PCDHAC1: variants seen among roughly 807,000 people sequenced by gnomAD.
The protein encoded by PCDHAC1 is protocadherin alpha-C1.
A neutral mutation model predicts 60.0 loss-of-function variants in PCDHAC1; 42 were observed. That is an observed-to-expected ratio of 0.70 (90% confidence interval 0.55 to 0.90). The LOEUF (loss-of-function observed/expected upper bound fraction) is 0.90, where lower values mean the gene tolerates loss of function less well. Ranked by LOEUF, PCDHAC1 falls within the 40% of genes least tolerant of loss-of-function variation. PCDHAC1 has a pLI of 0.00. For missense variants in PCDHAC1, 1,160 were observed against 1,222.3 expected, an observed-to-expected ratio of 0.95 and a Z score of 0.76; for synonymous variants, 468 against 499.3, an observed-to-expected ratio of 0.94 and a Z score of 0.84.
At chr5:140,968,776 A>C in intron 1 of PCDHAC1, 1 of 1,614,200 alleles carries the variant, frequency 6.2e-7, no homozygotes, top group Non-Finnish European at 8.5e-7. Flanking sequence ...AGCCATCACT[A>C]TCAGCCTCTG....
intron 1 of PCDHAC1, among the ~76,000 whole-genome samples, chr5:140,964,342 C>T (rs2095825714): frequency 6.6e-6 from 1 of 152,184 alleles, no homozygotes; most frequent in Non-Finnish European, 1.5e-5. Context: ...TGGCAGGTGT[C>T]CTTGCTGGAA....
rs1246720296 is a variant in PCDHAC1, at chr5:140,996,308, AAGGGGGG to A, written c.2582-13314_2582-13308del. 2.6e-5 allele frequency among the ~76,000 whole-genome samples: 4 copies of A among 152,358 alleles called. No individual in the cohort carries two copies. The East Asian group carries it at 5.8e-4, about 22-fold the overall frequency. On this transcript the variant is annotated intron_variant, in intron 3 of 3. Coordinates refer to ENST00000253807, the MANE Select transcript of PCDHAC1 (RefSeq NM_018898.5). ...CAAGAAGCACAGATTGTAACAAAGT[AAGGGGGG>A]AGGGTAGAGAAGAAAAGTTTGAAAA... is the stretch of plus-strand genomic sequence containing the variant.
Position 140,974,796 on chromosome 5 carries a change from G to T in PCDHAC1, c.2434-4153G>T, listed in dbSNP as rs2096640726. On this transcript the variant is annotated intron_variant, in intron 1 of 3. Transcript: ENST00000253807. The stretch of plus-strand genomic sequence containing the variant: ...AGCCACTGCGCCCAGCCCTCATTTT[G>T]ATATACTAGAAGACCAATATGCAAC... Among the ~76,000 whole-genome samples the T allele has an allele frequency of 2.6e-5, 4 of 152,194 alleles. No individual in the cohort carries two copies. In the South Asian group the frequency reaches 8.3e-4, roughly 32 times the overall value.
chr5:140,936,710 A>G (rs2091103513), intron 1 of PCDHAC1, among the ~76,000 whole-genome samples: 1 of 152,216 alleles, frequency 6.6e-6, no homozygotes. Flanking sequence ...TTCTTGTGCC[A>G]ATACATTCTG....
intron 3 of PCDHAC1, among the ~76,000 whole-genome samples, chr5:140,994,812 A>G (rs565084284): frequency 6.6e-5 from 10 of 152,328 alleles, no homozygotes; most frequent in African/African-American, 2.2e-4. Flanking sequence ...CAAAATACAA[A>G]AAACTGAATT....
At chr5:140,969,359 C>A (rs1554231722) in intron 1 of PCDHAC1, 2 of 1,611,118 alleles carry the variant, frequency 1.2e-6, no homozygotes, top group Admixed American at 3.4e-5. Flanking sequence ...GGGTCTTCTA[C>A]AAACTCATGC....
Position 140,928,268 on chromosome 5 carries a change from G to A in PCDHAC1, c.1376G>A (p.Gly459Asp). Residue 459 changes from glycine to aspartate, a missense_variant, in exon 1 of 4, where the codon GGC becomes GAC. Physicochemically the swap from Gly to Asp is moderately conservative, Grantham distance 94. Transcript: ENST00000253807. The part of the protein sequence containing the change: ...QQELFVAENN[G>D]PGASLGRVFA... ...GAACTTTTCGTTGCTGAAAACAATG[G>A]CCCTGGGGCCTCTCTAGGCCGAGTG... 6.2e-7 allele frequency: 1 copy of A among 1,614,164 alleles called. No homozygotes were observed. Among genetic ancestry groups the A allele is most frequent in the Non-Finnish European group, 8.5e-7 (1 of 1,180,032 alleles).
intron 3 of PCDHAC1, among the ~76,000 whole-genome samples, chr5:140,993,102 C>T (rs979360910): frequency 2.6e-5 from 4 of 152,272 alleles, no homozygotes; most frequent in South Asian, 4.1e-4. Flanking sequence ...GTTTATTCAG[C>T]GGTCAGTGTC....
chr5:140,928,513 A>G lies in PCDHAC1; in HGVS notation c.1621A>G (p.Ile541Val), dbSNP rs781867292. The change falls in exon 1 of 4, where the codon ATA (isoleucine) becomes GTA (valine). Residue 541 changes from isoleucine (I) to valine (V), a missense_variant. Ile to Val is a conservative substitution (Grantham distance 29, BLOSUM62 3). Transcript: ENST00000253807. ...TCCTCCCAGAAGTGCAACAGTGACTATAAACTTGTTTGTGGTAGATAGGAA... is the reference window on the plus strand; with the variant it reads ...TCCTCCCAGAAGTGCAACAGTGACTGTAAACTTGTTTGTGGTAGATAGGAA... ...GIPPRSATVTINLFVVDRNDN... is the reference protein window; with the variant it reads ...GIPPRSATVTVNLFVVDRNDN... 1.4e-5 allele frequency: 23 copies of G among 1,614,064 alleles called. No individual in the cohort carries two copies. In the African/African-American group the frequency reaches 2.8e-4, roughly 20 times the overall value.
intron 1 of PCDHAC1, among the ~76,000 whole-genome samples, chr5:140,956,940 T>G (rs1446313251): frequency 6.7e-6 from 1 of 150,168 alleles, no homozygotes; most frequent in Non-Finnish European, 1.5e-5. Flanking sequence ...AGGATAAAAT[T>G]TACATTAAAA....
chr5:140,941,211 CTTCCTTTCTTTCTTTCTTTCTTT>C (rs2092859339), intron 1 of PCDHAC1, among the ~76,000 whole-genome samples: 20 of 129,726 alleles, frequency 1.5e-4, no homozygotes, highest in Admixed American at 7.8e-4. Flanking sequence ...TCCTTTCTTT[CTTCCTTTCTTTCTTTCTTTCTTT>C]CTTTCTTTCT....
At chr5:140,961,981 T>G (rs1408145304) in intron 1 of PCDHAC1, among the ~76,000 whole-genome samples, 1 of 152,076 alleles carries the variant, frequency 6.6e-6, no homozygotes, top group African/African-American at 2.4e-5. Context: ...CCTCCTGGGT[T>G]CACGCCATTG....
At chr5:140,988,874 T>G (rs1407460154) in intron 3 of PCDHAC1, 2 of 152,194 alleles carry the variant, frequency 1.3e-5, no homozygotes, top group Non-Finnish European at 1.5e-5. Flanking sequence ...CACTCAGATG[T>G]ACGATCCTGG....
chr5:140,976,505 C>A (rs538128648), intron 1 of PCDHAC1, among the ~76,000 whole-genome samples: 1 of 152,004 alleles, frequency 6.6e-6, no homozygotes, highest in Non-Finnish European at 1.5e-5. Flanking sequence ...GAGCCAAGAT[C>A]GCGCCACTGC....
At chr5:140,962,207 A>G (rs1364251526) in intron 1 of PCDHAC1, among the ~76,000 whole-genome samples, 13 of 152,236 alleles carry the variant, frequency 8.5e-5, no homozygotes, top group Admixed American at 3.3e-4. Flanking sequence ...CTATCTCCTT[A>G]TTGATCTTGA....
At chr5:140,985,487 A>C (rs1554247112) in intron 3 of PCDHAC1, among the ~76,000 whole-genome samples, 1 of 152,162 alleles carries the variant, frequency 6.6e-6, no homozygotes, top group Non-Finnish European at 1.5e-5. Context: ...TCCAGACTCA[A>C]ATAGAGCCTG....
chr5:140,957,113 G>A (rs1554222808), intron 1 of PCDHAC1, among the ~76,000 whole-genome samples: 2 of 152,086 alleles, frequency 1.3e-5, no homozygotes, highest in Admixed American at 6.6e-5. Flanking sequence ...ACATGATTCT[G>A]TGTGTTTCTT....
Position 141,009,823 on chromosome 5 carries a change from C to T in PCDHAC1, c.2778C>T (p.Phe926=), listed in dbSNP as rs2098414711. Residue 926 remains phenylalanine, a synonymous_variant, in exon 4 of 4, where the codon TTC becomes TTT. Transcript: ENST00000253807. The part of the protein sequence containing the change: ...PTNSQIDKSD[F]ITFGKKEETK... ...ACAGCCAAATTGACAAAAGTGACTTCATAACCTTCGGCAAAAAGGAGGAGA... is the reference window on the plus strand; with the variant it reads ...ACAGCCAAATTGACAAAAGTGACTTTATAACCTTCGGCAAAAAGGAGGAGA... 4 of 1,614,030 alleles carry T rather than the reference C, an allele frequency of 2.5e-6. No individual in the cohort carries two copies. The highest frequency in any genetic ancestry group is 3.4e-6 in the Non-Finnish European group (4 of 1,180,010).
chr5:140,935,172 A>G (rs1278781509), intron 1 of PCDHAC1, among the ~76,000 whole-genome samples: 34 of 152,164 alleles, frequency 2.2e-4, no homozygotes, highest in Admixed American at 2.1e-3. Context: ...AGGTGTGCTT[A>G]TTGCTGCTGG....
Sources: allele counts gnomAD v4.1 joint callset (sites outside exome capture counted in the v4.1 genomes callset), GRCh38; gene constraint gnomAD v4.1.1; transcripts MANE v1.5; gene names NCBI Gene and HGNC (gene_info 2026-07-23, HGNC 2026-07-21).